The following TENM2 variants were observed in gnomAD, a reference collection of about 807,000 sequenced individuals.
The protein encoded by TENM2 is teneurin transmembrane protein 2.
TENM2 carries 52 observed loss-of-function variants against 245.2 expected under a neutral mutation model. That is an observed-to-expected ratio of 0.21 (90% CI 0.17 to 0.27). The LOEUF is 0.27. TENM2 is among the 10% of genes least tolerant of loss of function. The pLI, the probability that TENM2 is intolerant of heterozygous loss-of-function variation, is 1.00. For synonymous variants in TENM2, 1,363 were observed against 1,438.9 expected, an observed-to-expected ratio of 0.95 and a Z score of 1.19; for missense variants, 3,046 against 3,666.8, an observed-to-expected ratio of 0.83 and a Z score of 4.37.
At chr5:167,977,603 A>G (rs899231219) in intron 4 of TENM2, among the ~76,000 whole-genome samples, 2 of 152,134 alleles carry the variant, frequency 1.3e-5, no homozygotes, top group Admixed American at 1.3e-4. Flanking sequence ...GGCTCTTTCT[A>G]CTACTGCTGC....
intron 6 of TENM2, among the ~76,000 whole-genome samples, chr5:168,054,680 G>A (rs1052984317): frequency 1.3e-5 from 2 of 152,178 alleles, no homozygotes; most frequent in African/African-American, 4.8e-5. Flanking sequence ...GAAATGATTA[G>A]CTCCTAATGT....
At chr5:167,268,873 CATAGATAGATAGATAGATAGATAGATAG>C in the TENM2 span, among the ~76,000 whole-genome samples, 1 of 139,494 alleles carries the variant, frequency 7.2e-6, no homozygotes, top group East Asian at 2.2e-4. Flanking sequence ...CCAAAAGATA[CATAGATAGATAGATAGATAGATAGATAG>C]ATAGATAGAT....
chr5:167,715,443 T>A (rs1189787993), intron 2 of TENM2, among the ~76,000 whole-genome samples: 2 of 152,116 alleles, frequency 1.3e-5, no homozygotes, highest in Non-Finnish European at 2.9e-5. Flanking sequence ...TGACAACCCG[T>A]TAATCCAAAA....
At chr5:167,495,630 G>C (rs1311964889) in intron 2 of TENM2, among the ~76,000 whole-genome samples, 5 of 151,962 alleles carry the variant, frequency 3.3e-5, no homozygotes, top group Admixed American at 3.3e-4. Flanking sequence ...CTTGATTTCT[G>C]TGATTTCTGA....
chr5:167,929,456 C>A (rs1473768256), intron 3 of TENM2, among the ~76,000 whole-genome samples: 3 of 152,124 alleles, frequency 2.0e-5, no homozygotes, highest in African/African-American at 7.2e-5. Context: ...TTCCAGAATA[C>A]CCTGCACATT....
At chr5:168,251,049 A>T (rs1241677666) in intron 27 of TENM2, among the ~76,000 whole-genome samples, 1 of 152,118 alleles carries the variant, frequency 6.6e-6, no homozygotes. Flanking sequence ...GAGACAGGAA[A>T]CTGTGAATGG....
chr5:168,060,763 A>G (rs1453152640), intron 6 of TENM2, among the ~76,000 whole-genome samples: 1 of 152,194 alleles, frequency 6.6e-6, no homozygotes, highest in Non-Finnish European at 1.5e-5. Flanking sequence ...TTTATAATTT[A>G]GACATGAAAG....
chr5:168,190,507 A>G, exon 14 of TENM2: 5 of 1,613,998 alleles, frequency 3.1e-6, no homozygotes, highest in Non-Finnish European at 4.2e-6. Flanking sequence ...AGGCAAGGAT[A>G]GCACCCACAT....
chr5:167,089,243 G>A, the TENM2 span, among the ~76,000 whole-genome samples: 3 of 152,174 alleles, frequency 2.0e-5, no homozygotes, highest in Non-Finnish European at 2.9e-5. Flanking sequence ...AGAAGGGGAA[G>A]TAGCTTTTAT....
chr5:167,150,237 A>G, the TENM2 span, among the ~76,000 whole-genome samples: 1 of 152,314 alleles, frequency 6.6e-6, no homozygotes, highest in East Asian at 1.9e-4. Flanking sequence ...TTCAGCAACC[A>G]TCATCATAAA....
chr5:168,118,104 T>C (rs1187488793), intron 9 of TENM2, among the ~76,000 whole-genome samples, 188 bp from the exon 12 acceptor site: 2 of 152,248 alleles, frequency 1.3e-5, no homozygotes, highest in African/African-American at 2.4e-5. Context: ...TAATTGGTGG[T>C]AGCTGCTGTT....
the TENM2 span, among the ~76,000 whole-genome samples, chr5:167,026,442 G>T: frequency 6.6e-6 from 1 of 152,132 alleles, no homozygotes; most frequent in African/African-American, 2.4e-5. Context: ...ATTCCCTCTT[G>T]TTTTTCTGAT....
chr5:167,421,204 T>C (rs966716838), intron 2 of TENM2, among the ~76,000 whole-genome samples: 3 of 152,204 alleles, frequency 2.0e-5, no homozygotes, highest in African/African-American at 7.2e-5. Flanking sequence ...AAAAGAAATA[T>C]TAGTCTGACT....
intron 9 of TENM2, among the ~76,000 whole-genome samples, chr5:168,117,989 G>A (rs1387691639): frequency 1.3e-5 from 2 of 152,140 alleles, no homozygotes; most frequent in East Asian, 3.9e-4. Flanking sequence ...GCAAAAATGG[G>A]GACCATGACT....
At chr5:168,261,796 A>T (rs1309559303) in intron 28 of TENM2, among the ~76,000 whole-genome samples, 1 of 152,076 alleles carries the variant, frequency 6.6e-6, no homozygotes, top group Non-Finnish European at 1.5e-5. Context: ...CCATTTTTTT[A>T]GTTAGTGGCA....
intron 2 of TENM2, among the ~76,000 whole-genome samples, chr5:167,405,469 T>C (rs1208175931): frequency 1.3e-5 from 2 of 152,060 alleles, no homozygotes; most frequent in Non-Finnish European, 2.9e-5. Context: ...CTATTGAACA[T>C]TTTTTTCATT....
chr5:167,782,565 G>C (rs867151719), intron 2 of TENM2, among the ~76,000 whole-genome samples: 8 of 152,032 alleles, frequency 5.3e-5, no homozygotes, highest in Non-Finnish European at 1.2e-4. Context: ...TCAGCTCTTT[G>C]CGTCACACTG....
chr5:167,240,812 G>A, the TENM2 span, among the ~76,000 whole-genome samples: 3 of 152,146 alleles, frequency 2.0e-5, no homozygotes, highest in African/African-American at 4.8e-5. Context: ...AAAATTTCCC[G>A]AATGTCTTAA....
upstream of TENM2, among the ~76,000 whole-genome samples, chr5:167,279,862 G>A (rs1047503435): frequency 6.6e-6 from 1 of 152,096 alleles, no homozygotes; most frequent in Non-Finnish European, 1.5e-5. Flanking sequence ...GCTTATATCA[G>A]ATAATGCTGA....
Sources: gnomAD v4.1 joint callset for allele counts (sites outside exome capture counted in the v4.1 genomes callset) on GRCh38, gnomAD v4.1.1 for gene constraint, MANE v1.5 for transcripts, NCBI Gene and HGNC (gene_info 2026-07-23, HGNC 2026-07-21) for gene names.